The following LHFPL3 variants were observed in gnomAD, a reference collection of about 807,000 sequenced individuals.
LHFPL3 encodes LHFPL tetraspan subfamily member 3, also known as LHFPL tetraspan subfamily member 3 protein.
In LHFPL3, 5 loss-of-function variants were observed where a neutral mutation model predicts 19.3. The ratio of observed to expected loss-of-function variants is 0.26; its 90% CI spans 0.14 to 0.54. The LOEUF (loss-of-function observed/expected upper bound fraction) is 0.54. Among genes scored for constraint, LHFPL3 ranks in the 20% least tolerant of loss-of-function variants. The pLI is 0.94. For missense variants in LHFPL3, 249 were observed against 307.4 expected (o/e 0.81, Z 1.42); for synonymous variants, 133 against 126.2 (o/e 1.05, Z -0.36).
intron 1 of LHFPL3, among the ~76,000 whole-genome samples, chr7:104,731,709 C>T (rs1448268315): frequency 6.6e-6 from 1 of 151,558 alleles, no homozygotes; most frequent in African/African-American, 2.4e-5. Flanking sequence ...ATTGAATACC[C>T]TTTATTTCTT....
At chr7:104,574,437 C>T (rs1326613896) in intron 1 of LHFPL3, among the ~76,000 whole-genome samples, 1 of 152,034 alleles carries the variant, frequency 6.6e-6, no homozygotes, top group Admixed American at 6.6e-5. Context: ...TTCAGAAAGC[C>T]CTTTAAAGGA....
At chr7:104,729,242 T>G (rs1029873839) in intron 1 of LHFPL3, among the ~76,000 whole-genome samples, 1 of 152,186 alleles carries the variant, frequency 6.6e-6, no homozygotes, top group Admixed American at 6.5e-5. Flanking sequence ...TTTTATTGAC[T>G]CATAATAATC....
chr7:104,339,544 C>G (rs1328961240), intron 1 of LHFPL3, among the ~76,000 whole-genome samples: 1 of 152,210 alleles, frequency 6.6e-6, no homozygotes, highest in Non-Finnish European at 1.5e-5. Flanking sequence ...TTGAGATCAA[C>G]ACGCATCTGA....
intron 1 of LHFPL3, among the ~76,000 whole-genome samples, chr7:104,358,605 A>C (rs1487460135): frequency 3.3e-5 from 5 of 152,206 alleles, no homozygotes. Flanking sequence ...AAGTGTATTG[A>C]GCCATAAAGA....
chr7:104,851,695 C>T (rs1791416936), intron 2 of LHFPL3, among the ~76,000 whole-genome samples: 1 of 152,192 alleles, frequency 6.6e-6, no homozygotes, highest in Non-Finnish European at 1.5e-5. Flanking sequence ...TCTAATCCTT[C>T]ATGGGGTACT....
At chr7:104,865,294 T>C (rs1280388604) in intron 2 of LHFPL3, among the ~76,000 whole-genome samples, 2 of 152,076 alleles carry the variant, frequency 1.3e-5, no homozygotes. Context: ...AGGAGGAAGT[T>C]TGAACCCATG....
intron 1 of LHFPL3, among the ~76,000 whole-genome samples, chr7:104,674,365 T>A (rs935464748): frequency 6.6e-6 from 1 of 150,556 alleles, no homozygotes; most frequent in East Asian, 1.9e-4. Flanking sequence ...TTTTTCTTTT[T>A]CTTTTTCTTT....
intron 2 of LHFPL3, among the ~76,000 whole-genome samples, chr7:104,824,382 TATATATAATTATAGATAATATATA>T (rs1790762560): frequency 1.1e-4 from 1 of 9,262 alleles, no homozygotes; most frequent in Non-Finnish European, 1.7e-4. Flanking sequence ...TTATATATAA[TATATATAATTATAGATAATATATA>T]ATATATATTT....
At chr7:104,425,340 T>C (rs902690591) in intron 1 of LHFPL3, among the ~76,000 whole-genome samples, 3 of 151,068 alleles carry the variant, frequency 2.0e-5, no homozygotes, top group African/African-American at 7.4e-5. Flanking sequence ...ACACGTAGTT[T>C]TGTGACCTTT....
chr7:104,431,402 C>T (rs1267185816), intron 1 of LHFPL3, among the ~76,000 whole-genome samples: 1 of 152,178 alleles, frequency 6.6e-6, no homozygotes, highest in Non-Finnish European at 1.5e-5. Flanking sequence ...CATGCCTACA[C>T]CATGTTGATA....
At chr7:104,499,651 G>C (rs1184711844) in intron 1 of LHFPL3, among the ~76,000 whole-genome samples, 3 of 152,156 alleles carry the variant, frequency 2.0e-5, no homozygotes, top group Non-Finnish European at 4.4e-5. Context: ...CCTCCCCAAA[G>C]AGACCTAGTG....
chr7:104,847,967 A>C (rs1395054047), intron 2 of LHFPL3, among the ~76,000 whole-genome samples: 1 of 152,236 alleles, frequency 6.6e-6, no homozygotes, highest in East Asian at 1.9e-4. Flanking sequence ...CACTGATTCG[A>C]AATCTGGTGG....
At chr7:104,575,559 T>TAAAAAAAAAAAAAA (rs58118006) in intron 1 of LHFPL3, among the ~76,000 whole-genome samples, 53 of 36,146 alleles carry the variant, frequency 1.5e-3, no homozygotes, top group Non-Finnish European at 2.0e-3. Context: ...CAAAGAGATC[T>TAAAAAAAAAAAAAA]AAAAAAAAAA....
intron 2 of LHFPL3, chr7:104,786,689 GGTGTGTGTGTGTGTGTGT>G (rs150438939): frequency 3.8e-5 from 5 of 129,876 alleles, no homozygotes; most frequent in Non-Finnish European, 8.3e-5. Context: ...GTGTGTGTGG[GGTGTGTGTGTGTGTGTGT>G]GTGTGTGTGT....
At chr7:104,769,879 T>C (rs971236079) in intron 2 of LHFPL3, among the ~76,000 whole-genome samples, 4 of 152,138 alleles carry the variant, frequency 2.6e-5, no homozygotes, top group African/African-American at 9.7e-5. Context: ...TTACGTCATT[T>C]GCGGGGACAT....
At chr7:104,757,854 A>G (rs901657859) in intron 2 of LHFPL3, 3 of 152,226 alleles carry the variant, frequency 2.0e-5, no homozygotes, top group African/African-American at 7.2e-5. Context: ...ATTACTGGTT[A>G]GATACCCAGA....
chr7:104,836,302 C>G (rs141419888), intron 2 of LHFPL3, among the ~76,000 whole-genome samples: 2,235 of 152,190 alleles, frequency 0.015, 20 homozygotes, highest in Non-Finnish European at 0.023. Flanking sequence ...GGATTTTACT[C>G]TAACTGTGAT....
At chr7:104,430,456 T>A (rs42180) in intron 1 of LHFPL3, among the ~76,000 whole-genome samples, 172 of 11,018 alleles carry the variant, frequency 0.016, 1 homozygote, top group South Asian at 0.023. Context: ...ATATATATAT[T>A]TTTTTTTTTT....
At chr7:104,402,868 T>C (rs1562887016) in intron 1 of LHFPL3, among the ~76,000 whole-genome samples, 1 of 152,328 alleles carries the variant, frequency 6.6e-6, no homozygotes, top group East Asian at 1.9e-4. Context: ...TCCACACCAA[T>C]GGGGAGTATT....
Sources: allele counts gnomAD v4.1 joint callset (sites outside exome capture counted in the v4.1 genomes callset), GRCh38; gene constraint gnomAD v4.1.1; transcripts MANE v1.5; gene names NCBI Gene and HGNC (gene_info 2026-07-23, HGNC 2026-07-21).